The following SIDT1 variants were observed in gnomAD, a reference collection of about 807,000 sequenced individuals.
SIDT1 encodes SID1 transmembrane family, member 1.
SIDT1 carries 101 observed loss-of-function variants against 107.5 expected under a neutral mutation model. The observed-to-expected ratio is 0.94, with a 90% CI of 0.80 to 1.11. The LOEUF is 1.11. Among genes scored for constraint, SIDT1 ranks in the 50% least tolerant of loss-of-function variants. SIDT1 has a pLI of 0.00. For synonymous variants in SIDT1, 395 were observed against 398.2 expected (o/e 0.99, Z 0.10); for missense variants, 1,076 against 1,058.2 (o/e 1.02, Z -0.23).
chr3:113,544,745 C>A (rs1939382618), intron 1 of SIDT1, among the ~76,000 whole-genome samples: 2 of 152,206 alleles, frequency 1.3e-5, no homozygotes, highest in South Asian at 2.1e-4. Context: ...GTATGGTTAA[C>A]CCTGGTTACT....
intron 3 of SIDT1, among the ~76,000 whole-genome samples, chr3:113,574,242 G>A (rs1039976490): frequency 3.9e-5 from 6 of 152,154 alleles, no homozygotes; most frequent in Non-Finnish European, 8.8e-5. Context: ...ACATGAGTGC[G>A]GAGTTTATAC....
In SIDT1 at chr3:113,607,050, G is replaced by A; in HGVS notation, c.1414G>A (p.Val472Ile). The change falls in exon 15 of 25, where the codon GTC (valine) becomes ATC (isoleucine). Residue 472 changes from valine (V) to isoleucine (I), a missense_variant. Physicochemically the swap from Val to Ile is conservative, Grantham distance 29. Coordinates refer to ENST00000264852, the MANE Select transcript of SIDT1 (RefSeq NM_017699.3). The part of the protein sequence containing the change: ...LVITYQTVVN[V>I]TGNQDICYYN... Reference sequence around the variant, plus strand: ...ACTCTTGATTTTACAGGTGGTAAATGTCACTGGCAACCAGGACATCTGTTA... The same window carrying A: ...ACTCTTGATTTTACAGGTGGTAAATATCACTGGCAACCAGGACATCTGTTA... The A allele has an allele frequency of 6.2e-7, 1 of 1,610,868 alleles. No homozygotes were observed. Among genetic ancestry groups the A allele is most frequent in the Non-Finnish European group, 8.5e-7 (1 of 1,177,060 alleles).
chr3:113,569,011 G>T (rs1024854162), intron 3 of SIDT1, among the ~76,000 whole-genome samples: 1 of 151,954 alleles, frequency 6.6e-6, no homozygotes, highest in African/African-American at 2.4e-5. Context: ...ATGGTGGCAG[G>T]CGCCTGTTGT....
chr3:113,601,776 T>C (rs372995480), intron 11 of SIDT1, 117 bp downstream of exon 11: 2 of 617,296 alleles, frequency 3.2e-6, no homozygotes, highest in Non-Finnish European at 5.6e-6. Context: ...TCCTATGAGA[T>C]TGTCTTTTAT....
At chr3:113,570,388 A>T (rs1942342520) in intron 3 of SIDT1, among the ~76,000 whole-genome samples, 1 of 152,214 alleles carries the variant, frequency 6.6e-6, no homozygotes, top group South Asian at 2.1e-4. Context: ...ATCAAGTGTC[A>T]CCTGGTAGCA....
chr3:113,609,250 G>A (rs758857183), intron 17 of SIDT1, among the ~76,000 whole-genome samples: 1 of 151,680 alleles, frequency 6.6e-6, no homozygotes, highest in Non-Finnish European at 1.5e-5. Context: ...TTTTTTGGTA[G>A]AGATGGGGTT....
At chr3:113,566,354 G>GTA in intron 1 of SIDT1, 66 bp from the exon 2 acceptor site, 1 of 1,481,838 alleles carries the variant, frequency 6.7e-7, no homozygotes, top group South Asian at 1.2e-5. Context: ...GTGTGTGTGT[G>GTA]TGTGTGTGTG....
intron 3 of SIDT1, among the ~76,000 whole-genome samples, chr3:113,568,792 C>T (rs1942172287): frequency 6.6e-6 from 1 of 151,898 alleles, no homozygotes; most frequent in Non-Finnish European, 1.5e-5. Flanking sequence ...TAACAATGAA[C>T]AAACTATTGC....
At chr3:113,575,376 C>T (rs1942817103) in intron 3 of SIDT1, among the ~76,000 whole-genome samples, 1 of 152,120 alleles carries the variant, frequency 6.6e-6, no homozygotes, top group African/African-American at 2.4e-5. Flanking sequence ...CTCATGTTGC[C>T]CTGGTAACAC....
chr3:113,574,234 A>G (rs1401579570), intron 3 of SIDT1, among the ~76,000 whole-genome samples: 1 of 152,220 alleles, frequency 6.6e-6, no homozygotes, highest in Non-Finnish European at 1.5e-5. Context: ...AATTAAGTAC[A>G]TGAGTGCGGA....
intron 1 of SIDT1, among the ~76,000 whole-genome samples, chr3:113,547,946 T>C (rs892396599): frequency 3.3e-5 from 5 of 152,128 alleles, no homozygotes; most frequent in African/African-American, 9.6e-5. Context: ...AATAAAATAC[T>C]TTATTTCTTA....
At chr3:113,601,738 A>G (rs1944975387) in intron 11 of SIDT1, 79 bp downstream of exon 11, 4 of 943,922 alleles carry the variant, frequency 4.2e-6, no homozygotes, top group Non-Finnish European at 6.6e-6. Context: ...CCAGCCACTA[A>G]TAACTGGGAA....
chr3:113,559,435 A>ATTTTTTTTT (rs57171720), intron 1 of SIDT1, among the ~76,000 whole-genome samples: 1 of 143,062 alleles, frequency 7.0e-6, no homozygotes, highest in Non-Finnish European at 1.5e-5. Flanking sequence ...CTTTTTATTT[A>ATTTTTTTTT]TTTTTTTTTT....
At position 113,566,520 on chromosome 3, in the gene SIDT1, T is replaced by C; in HGVS notation, c.323T>C (p.Val108Ala). The C allele has an allele frequency of 6.2e-7, 1 of 1,614,082 alleles. No homozygotes were observed. The highest frequency in any genetic ancestry group is 8.5e-7 in the Non-Finnish European group (1 of 1,179,962). ...RQQKEVLSWQ[V>A]PLLFQGLYQR... ...CAGAAAGAGGTGCTGTCCTGGCAGG[T>C]TCCTCTGCTCTTCCAAGGACTGTAA... The change falls in exon 2 of 25, where the codon GTT becomes GCT. Residue 108 changes from valine to alanine, a missense_variant. Coordinates refer to ENST00000264852, the MANE Select transcript of SIDT1 (RefSeq NM_017699.3).
intron 4 of SIDT1, among the ~76,000 whole-genome samples, chr3:113,579,264 G>A (rs1255583436): frequency 6.6e-6 from 1 of 152,194 alleles, no homozygotes; most frequent in African/African-American, 2.4e-5. Flanking sequence ...TGGGGTTTAT[G>A]GTAATTTGCA....
chr3:113,627,183 C>T (rs1946916292), intron 24 of SIDT1, among the ~76,000 whole-genome samples: 2 of 152,094 alleles, frequency 1.3e-5, no homozygotes, highest in South Asian at 4.2e-4. Context: ...GACTCTTGAC[C>T]TAAATGTCCC....
At position 113,533,204 on chromosome 3, in the gene SIDT1, G is replaced by A; in HGVS notation, c.183G>A (p.Glu61=). The change falls in exon 1 of 25, where the codon GAG becomes GAA. Residue 61 remains glutamate, a synonymous_variant. Coordinates refer to ENST00000264852, the MANE Select transcript of SIDT1 (RefSeq NM_017699.3). ...GCGGGGTGGTGAACCTCAGCACCGA[G>A]AACATCTACTCTTTCAACTACACCA... is the stretch of plus-strand genomic sequence containing the variant. ...VYSGVVNLST[E]NIYSFNYTSQ... 6.5e-7 allele frequency: 1 copy of A among 1,540,664 alleles called. No homozygotes were observed. Among genetic ancestry groups the A allele is most frequent in the Non-Finnish European group, 8.7e-7 (1 of 1,144,302 alleles).
chr3:113,630,411 A>C (rs1209042135), downstream of SIDT1, among the ~76,000 whole-genome samples: 1 of 152,126 alleles, frequency 6.6e-6, no homozygotes, highest in African/African-American at 2.4e-5. Flanking sequence ...GCTGGACTCT[A>C]TCTGGGGAAG....
rs373956335 is a variant in SIDT1, at chr3:113,627,693, G to A, written c.2469G>A (p.Gln823=). 6.8e-6 allele frequency: 11 copies of A among 1,613,604 alleles called. No individual in the cohort carries two copies. The highest frequency in any genetic ancestry group is 1.7e-4 in the Middle Eastern group (1 of 5,752). The change falls in exon 25 of 25, where the codon CAG becomes CAA. Residue 823 remains glutamine, a synonymous_variant. Transcript: ENST00000264852. ...DDDLDVVRRD[Q]IPVF ...ACCTTGATGTGGTTCGGAGAGACCA[G>A]ATCCCTGTCTTCTGAACCTCCAACA...
Sources: gnomAD v4.1 joint callset for allele counts (sites outside exome capture counted in the v4.1 genomes callset) on GRCh38, gnomAD v4.1.1 for gene constraint, MANE v1.5 for transcripts, NCBI Gene and HGNC (gene_info 2026-07-23, HGNC 2026-07-21) for gene names.